PPFIBP2: variants seen among roughly 807,000 people sequenced by gnomAD.
PPFIBP2 encodes the protein PPFIB scaffold protein 2.
PPFIBP2 carries 118 observed loss-of-function variants against 118.3 expected under a neutral mutation model. The ratio of observed to expected loss-of-function variants is 1.00; its 90% CI spans 0.86 to 1.16. The LOEUF is 1.16. Among genes scored for constraint, PPFIBP2 ranks in the 50% most tolerant of loss-of-function variants. PPFIBP2 has a pLI of 0.00. For synonymous variants in PPFIBP2, 414 were observed against 397.4 expected (o/e 1.04, Z -0.50); for missense variants, 1,195 against 1,073.1 (o/e 1.11, Z -1.59).
chr11:7,622,955 GT>G (rs1590656958), intron 7 of PPFIBP2, among the ~76,000 whole-genome samples: 1 of 152,294 alleles, frequency 6.6e-6, no homozygotes, highest in East Asian at 1.9e-4. Flanking sequence ...TAACTACCAG[GT>G]GTGGAGCACT....
At chr11:7,605,825 T>C in intron 5 of PPFIBP2, 1 of 1,371,136 alleles carries the variant, frequency 7.3e-7, no homozygotes, top group Non-Finnish European at 9.4e-7. Flanking sequence ...CTGAAGATTT[T>C]AGAAGCAAAG....
At chr11:7,653,797 G>A, downstream of PPFIBP2, 7 of 1,195,472 alleles carry the variant, frequency 5.9e-6, no homozygotes, top group Non-Finnish European at 7.4e-6. Flanking sequence ...TGGGGAAAAA[G>A]AGCTGAGGGT....
intron 23 of PPFIBP2, among the ~76,000 whole-genome samples, chr11:7,652,074 G>A (rs967805473): frequency 2.0e-5 from 3 of 152,270 alleles, no homozygotes; most frequent in African/African-American, 7.2e-5. Flanking sequence ...TAGAAAATAT[G>A]TGCAGGAAGC....
At chr11:7,605,269 T>C (rs1847201687) in intron 5 of PPFIBP2, among the ~76,000 whole-genome samples, 3 of 152,188 alleles carry the variant, frequency 2.0e-5, no homozygotes, top group African/African-American at 4.8e-5. Context: ...AACTTTGAAA[T>C]AGAACTTACA....
chr11:7,595,396 T>C (rs1860100687), intron 4 of PPFIBP2, among the ~76,000 whole-genome samples: 1 of 152,202 alleles, frequency 6.6e-6, no homozygotes, highest in Non-Finnish European at 1.5e-5. Flanking sequence ...CCAGGACCCT[T>C]CATGATTGAA....
chr11:7,641,680 AAG>A, intron 16 of PPFIBP2, 60 bp downstream of exon 16: 1 of 1,540,738 alleles, frequency 6.5e-7, no homozygotes, highest in East Asian at 2.2e-5. Context: ...TGATTGGGCA[AAG>A]AGTCTATGTA....
chr11:7,641,623 A>G lies in PPFIBP2; in HGVS notation c.1517+3A>G. The G allele has an allele frequency of 6.2e-7, 1 of 1,613,698 alleles. No homozygotes were observed. The highest frequency in any genetic ancestry group is 8.5e-7 in the Non-Finnish European group (1 of 1,179,710). ...GGCATTAAGAAGTTCTGGGGAAAGTAAGTTGGTGCCGTTGATCCTAATTAT... is the reference window on the plus strand; with the variant it reads ...GGCATTAAGAAGTTCTGGGGAAAGTGAGTTGGTGCCGTTGATCCTAATTAT... On this transcript the variant is annotated splice_donor_region_variant and intron_variant, in intron 16 of 23. Transcript: ENST00000299492.
the PPFIBP2 span, chr11:7,667,111 A>G: frequency 2.0e-5 from 3 of 152,286 alleles, no homozygotes; most frequent in African/African-American, 7.2e-5. Context: ...AAAACTCCTC[A>G]TGATTCTCAT....
chr11:7,630,742 G>T (rs1256626130), intron 10 of PPFIBP2, among the ~76,000 whole-genome samples, 183 bp from the exon 11 acceptor site: 1 of 152,192 alleles, frequency 6.6e-6, no homozygotes, highest in Non-Finnish European at 1.5e-5. Context: ...ACCTTGAAAT[G>T]ATCCTGATGC....
chr11:7,641,181 T>C, intron 15 of PPFIBP2: 1 of 939,066 alleles, frequency 1.1e-6, no homozygotes, highest in Non-Finnish European at 1.5e-6. Flanking sequence ...TTCCTGCATC[T>C]CCCTCTGAGG....
chr11:7,585,645 A>G (rs1465863528), intron 3 of PPFIBP2, among the ~76,000 whole-genome samples: 1 of 152,196 alleles, frequency 6.6e-6, no homozygotes, highest in African/African-American at 2.4e-5. Flanking sequence ...GACCCCAGCC[A>G]TGGCATCAAG....
At chr11:7,550,503 C>T (rs914391666) in intron 2 of PPFIBP2, among the ~76,000 whole-genome samples, 2 of 152,276 alleles carry the variant, frequency 1.3e-5, no homozygotes, top group Non-Finnish European at 2.9e-5. Context: ...TGTCTTGCAG[C>T]TTCTTCAGGT....
chr11:7,531,244 T>C (rs1444903058), intron 1 of PPFIBP2, among the ~76,000 whole-genome samples: 1 of 152,102 alleles, frequency 6.6e-6, no homozygotes, highest in Non-Finnish European at 1.5e-5. Flanking sequence ...AAGTGGCAAA[T>C]ATCTTGTGAC....
At chr11:7,561,947 A>C (rs776844431) in intron 2 of PPFIBP2, among the ~76,000 whole-genome samples, 1 of 152,170 alleles carries the variant, frequency 6.6e-6, no homozygotes, top group Non-Finnish European at 1.5e-5. Context: ...AGTTTTGTCG[A>C]AGACAGTTTT....
At chr11:7,629,665 G>C (rs761080672) in intron 10 of PPFIBP2, 131 bp downstream of exon 10, 30 of 843,528 alleles carry the variant, frequency 3.6e-5, no homozygotes, top group Non-Finnish European at 5.4e-5. Flanking sequence ...GAACAGAGCT[G>C]TTTAGACTTT....
intron 2 of PPFIBP2, among the ~76,000 whole-genome samples, chr11:7,552,383 G>A (rs114251535): frequency 0.01 from 1,532 of 152,248 alleles, 30 homozygotes; most frequent in African/African-American, 0.034. Context: ...TTCTGGGGAC[G>A]GGGTAGTATT....
chr11:7,638,685 T>G lies in PPFIBP2; in HGVS notation c.1237-1047T>G, dbSNP rs372394471. The stretch of plus-strand genomic sequence containing the variant: ...CAGGATCTAATCAGGTGATCCACAG[T>G]TGATTCCTTTAGTGACATTGCTTCA... On this transcript the variant is annotated intron_variant, in intron 14 of 23. Coordinates refer to ENST00000299492, the MANE Select transcript of PPFIBP2 (RefSeq NM_003621.5). 1.7e-3 allele frequency among the ~76,000 whole-genome samples: 257 copies of G among 152,334 alleles called. 1 individual carries two copies. Among genetic ancestry groups the G allele is most frequent in the African/African-American group, 6.0e-3 (248 of 41,588 alleles).
chr11:7,557,444 A>T (rs1278053689), intron 2 of PPFIBP2, among the ~76,000 whole-genome samples: 1 of 151,102 alleles, frequency 6.6e-6, no homozygotes, highest in African/African-American at 2.4e-5. Context: ...GCTTTCAATA[A>T]TTCAAAATAA....
chr11:7,532,689 G>T (rs1009643279), intron 1 of PPFIBP2, among the ~76,000 whole-genome samples: 2 of 152,214 alleles, frequency 1.3e-5, no homozygotes, highest in South Asian at 4.1e-4. Context: ...GCCTTCGGGG[G>T]AAGCCTCCTT....
Sources: gnomAD v4.1 joint callset for allele counts (sites outside exome capture counted in the v4.1 genomes callset) on GRCh38, gnomAD v4.1.1 for gene constraint, MANE v1.5 for transcripts, NCBI Gene and HGNC (gene_info 2026-07-23, HGNC 2026-07-21) for gene names.